The following PLCH1 variants were observed in gnomAD, a reference collection of about 807,000 sequenced individuals.
The protein encoded by PLCH1 is phospholipase C eta 1, also known as 1-phosphatidylinositol 4,5-bisphosphate phosphodiesterase eta-1.
Under a neutral mutation model 126.7 loss-of-function variants are expected in PLCH1, and 60 were observed. That is an observed-to-expected ratio of 0.47 (90% confidence interval 0.38 to 0.59). The LOEUF (loss-of-function observed/expected upper bound fraction) is 0.59, where lower values mean the gene tolerates loss of function less well. Among genes scored for constraint, PLCH1 ranks in the 20% least tolerant of loss-of-function variants. The pLI, the probability that PLCH1 is intolerant of heterozygous loss-of-function variation, is 0.00. For missense variants in PLCH1, 1,723 were observed against 2,040.0 expected (o/e 0.84, Z 2.99); for synonymous variants, 719 against 734.9 (o/e 0.98, Z 0.35).
intron 21 of PLCH1, among the ~76,000 whole-genome samples, chr3:155,462,324 AAAC>A (rs930094974): frequency 1.1e-4 from 16 of 152,310 alleles, no homozygotes; most frequent in Middle Eastern, 3.4e-3. Flanking sequence ...TGACAGAGGA[AAAC>A]AACTGACGGT....
chr3:155,567,206 G>T (rs1439342046), intron 7 of PLCH1, among the ~76,000 whole-genome samples: 1 of 152,074 alleles, frequency 6.6e-6, no homozygotes, highest in Non-Finnish European at 1.5e-5. Context: ...CTGAGTAGCT[G>T]GGATTACAGG....
At chr3:155,586,003 C>A in intron 5 of PLCH1, 62 bp downstream of exon 5, 3 of 1,448,488 alleles carry the variant, frequency 2.1e-6, no homozygotes, top group African/African-American at 1.4e-5. Flanking sequence ...TTTTAATATA[C>A]CTAAGTATGT....
chr3:155,637,181 C>T (rs983456202), intron 2 of PLCH1, among the ~76,000 whole-genome samples: 1 of 152,190 alleles, frequency 6.6e-6, no homozygotes, highest in African/African-American at 2.4e-5. Context: ...GCTAAAGATA[C>T]AGTCTGAACA....
At chr3:155,674,545 C>T (rs1333803723) in intron 2 of PLCH1, among the ~76,000 whole-genome samples, 1 of 152,100 alleles carries the variant, frequency 6.6e-6, no homozygotes, top group Non-Finnish European at 1.5e-5. Flanking sequence ...TTGCTACCAA[C>T]TGAAATGATT....
At chr3:155,596,005 AAC>A (rs1732936154) in intron 3 of PLCH1, among the ~76,000 whole-genome samples, 1 of 151,876 alleles carries the variant, frequency 6.6e-6, no homozygotes, top group Non-Finnish European at 1.5e-5. Context: ...TCATGTCTCC[AAC>A]ACAGGGGAAG....
intron 21 of PLCH1, among the ~76,000 whole-genome samples, chr3:155,454,198 C>T (rs749887593): frequency 5.9e-4 from 89 of 152,092 alleles, no homozygotes; most frequent in Non-Finnish European, 1.1e-3. Flanking sequence ...GAAGCCAATA[C>T]CATGGCACCA....
Position 155,544,577 on chromosome 3 carries a change from A to C in PLCH1, c.1362+5210T>G, listed in dbSNP as rs144102586. ...AGAACTCTCCACCTCAAATCAACAGAATATAAATTTTTTTCAGCACCACAC... is the reference window on the plus strand; with the variant it reads ...AGAACTCTCCACCTCAAATCAACAGCATATAAATTTTTTTCAGCACCACAC... On this transcript the variant is annotated intron_variant, in intron 10 of 22. Transcript: ENST00000460012. Among the ~76,000 whole-genome samples, 329 of 152,318 alleles carry C rather than the reference A, an allele frequency of 2.2e-3. 1 individual carries two copies. Among genetic ancestry groups the C allele is most frequent in the Middle Eastern group, 6.8e-3 (2 of 294 alleles).
intron 21 of PLCH1, among the ~76,000 whole-genome samples, chr3:155,460,246 C>T (rs1384799435): frequency 6.6e-6 from 1 of 152,172 alleles, no homozygotes; most frequent in Non-Finnish European, 1.5e-5. Context: ...CAATGTCACA[C>T]AAGCATGACA....
intron 11 of PLCH1, among the ~76,000 whole-genome samples, chr3:155,520,659 A>C (rs1056514824): frequency 1.3e-5 from 2 of 152,234 alleles, no homozygotes; most frequent in Non-Finnish European, 2.9e-5. Context: ...AATAATGGTG[A>C]CTTCGCCTCA....
intron 18 of PLCH1, among the ~76,000 whole-genome samples, 183 bp downstream of exon 18, chr3:155,492,543 AGAT>A (rs1282565743): frequency 6.6e-6 from 1 of 152,220 alleles, no homozygotes; most frequent in African/African-American, 2.4e-5. Context: ...CCTTCAAAAT[AGAT>A]GATGGACAGC....
chr3:155,705,805 G>A (rs1463409425), intron 1 of PLCH1, among the ~76,000 whole-genome samples: 1 of 152,146 alleles, frequency 6.6e-6, no homozygotes, highest in African/African-American at 2.4e-5. Flanking sequence ...ATAGTAATGA[G>A]ACTTGAAGTC....
At chr3:155,550,001 A>T (rs1169961137) in intron 9 of PLCH1, 43 bp from the exon 10 acceptor site, 1 of 1,466,398 alleles carries the variant, frequency 6.8e-7, no homozygotes, top group African/African-American at 1.4e-5. Context: ...AGGTGCAGGC[A>T]ACTCACAGGG....
chr3:155,623,222 A>G (rs959396370), intron 2 of PLCH1, among the ~76,000 whole-genome samples: 1 of 152,222 alleles, frequency 6.6e-6, no homozygotes, highest in Non-Finnish European at 1.5e-5. Flanking sequence ...ACAAAGACAA[A>G]ACATACCAGA....
chr3:155,671,060 G>A (rs900330983), intron 2 of PLCH1, among the ~76,000 whole-genome samples: 2 of 152,170 alleles, frequency 1.3e-5, no homozygotes, highest in Admixed American at 6.5e-5. Flanking sequence ...TCCTGCCTAT[G>A]TATCTTACCA....
At chr3:155,540,798 T>A (rs552063866) in intron 10 of PLCH1, among the ~76,000 whole-genome samples, 2 of 152,066 alleles carry the variant, frequency 1.3e-5, no homozygotes, top group Non-Finnish European at 2.9e-5. Flanking sequence ...CTGGAGGGAA[T>A]GGAAACTAGT....
intron 2 of PLCH1, among the ~76,000 whole-genome samples, chr3:155,635,497 T>C (rs1177929916): frequency 6.6e-6 from 1 of 152,226 alleles, no homozygotes; most frequent in African/African-American, 2.4e-5. Context: ...CAAAACAAGA[T>C]TCAGACTTGA....
intron 1 of PLCH1, among the ~76,000 whole-genome samples, chr3:155,723,416 T>C (rs919795892): frequency 6.6e-6 from 1 of 152,214 alleles, no homozygotes. Context: ...TGTTTTGTTC[T>C]GTTTCCATTT....
At chr3:155,720,569 TTG>T (rs1392591164) in intron 1 of PLCH1, among the ~76,000 whole-genome samples, 1 of 152,092 alleles carries the variant, frequency 6.6e-6, no homozygotes, top group Non-Finnish European at 1.5e-5. Context: ...ATGGGATTAT[TTG>T]TTTTTTTCTT....
At chr3:155,491,626 T>C (rs1275918083) in intron 18 of PLCH1, among the ~76,000 whole-genome samples, 1 of 152,250 alleles carries the variant, frequency 6.6e-6, no homozygotes, top group East Asian at 1.9e-4. Context: ...CTATATAACA[T>C]AACGTTGAGC....
Sources: gnomAD v4.1 joint callset for allele counts (sites outside exome capture counted in the v4.1 genomes callset) on GRCh38, gnomAD v4.1.1 for gene constraint, MANE v1.5 for transcripts, NCBI Gene and HGNC (gene_info 2026-07-23, HGNC 2026-07-21) for gene names.